DIS3L2: variants seen among roughly 807,000 people sequenced by gnomAD.
DIS3L2 encodes the protein DIS3 like 3'-5' exoribonuclease 2, also known as DIS3-like exonuclease 2.
In DIS3L2, 34 loss-of-function variants were observed where a neutral mutation model predicts 97.5. That is an observed-to-expected ratio of 0.35 (90% CI 0.27 to 0.46). The LOEUF is 0.46. DIS3L2 is among the 20% of genes least tolerant of loss of function. DIS3L2 has a pLI of 1.00. For missense variants in DIS3L2, 1,038 were observed against 1,146.0 expected, an observed-to-expected ratio of 0.91 and a Z score of 1.36; for synonymous variants, 435 against 445.2, an observed-to-expected ratio of 0.98 and a Z score of 0.29.
At chr2:231,965,220 C>G (rs1381319900) in intron 1 of DIS3L2, among the ~76,000 whole-genome samples, 1 of 152,190 alleles carries the variant, frequency 6.6e-6, no homozygotes, top group Admixed American at 6.5e-5. Flanking sequence ...CATTCATGCT[C>G]AAGAGTCTTG....
intron 1 of DIS3L2, among the ~76,000 whole-genome samples, chr2:231,983,045 T>A (rs1197865992): frequency 6.6e-6 from 1 of 152,194 alleles, no homozygotes; most frequent in Non-Finnish European, 1.5e-5. Context: ...GACAAGTATA[T>A]TTTTAAGCTG....
intron 9 of DIS3L2, among the ~76,000 whole-genome samples, chr2:232,183,207 C>G (rs1405188171): frequency 6.6e-6 from 1 of 152,162 alleles, no homozygotes; most frequent in Non-Finnish European, 1.5e-5. Flanking sequence ...TTTCCACTCT[C>G]CAAAACTGTG....
intron 10 of DIS3L2, among the ~76,000 whole-genome samples, chr2:232,216,857 T>A (rs1304808433): frequency 6.0e-5 from 2 of 33,316 alleles, no homozygotes; most frequent in South Asian, 3.7e-3. Flanking sequence ...TCCCCTCCCC[T>A]CTTTTGATGG....
At chr2:232,087,931 A>C (rs1402141781) in intron 6 of DIS3L2, 1 of 528,276 alleles carries the variant, frequency 1.9e-6, no homozygotes, top group Non-Finnish European at 3.4e-6. Context: ...TTGTGTGGGC[A>C]GTAGTTGCAG....
intron 8 of DIS3L2, among the ~76,000 whole-genome samples, chr2:232,143,021 A>C (rs746856057): frequency 6.6e-5 from 10 of 152,222 alleles, no homozygotes; most frequent in Non-Finnish European, 1.3e-4. Flanking sequence ...CTGTCTTCTA[A>C]ATATCGTCTA....
intron 9 of DIS3L2, among the ~76,000 whole-genome samples, chr2:232,194,072 T>C (rs917444087): frequency 6.6e-6 from 1 of 152,012 alleles, no homozygotes; most frequent in African/African-American, 2.4e-5. Context: ...ATCGTACCAC[T>C]GAACTCCAGC....
chr2:232,185,969 A>G (rs1691419411), intron 9 of DIS3L2, among the ~76,000 whole-genome samples: 1 of 152,218 alleles, frequency 6.6e-6, no homozygotes, highest in African/African-American at 2.4e-5. Flanking sequence ...TTGGTGAAAC[A>G]AAAAGCTGGT....
intron 15 of DIS3L2, 87 bp from the exon 16 acceptor site, chr2:232,330,603 G>C (rs1695706886): frequency 7.2e-7 from 1 of 1,392,090 alleles, no homozygotes; most frequent in Non-Finnish European, 1.0e-6. Flanking sequence ...CCAGAGCCGG[G>C]CATGAGGTGC....
intron 3 of DIS3L2, among the ~76,000 whole-genome samples, chr2:232,018,575 A>T (rs916618795): frequency 6.6e-6 from 1 of 152,310 alleles, no homozygotes; most frequent in South Asian, 2.1e-4. Context: ...TTTAATGCTG[A>T]TGGAGAAAAT....
At chr2:232,124,705 G>A (rs768384077) in intron 6 of DIS3L2, among the ~76,000 whole-genome samples, 18 of 152,190 alleles carry the variant, frequency 1.2e-4, no homozygotes, top group Non-Finnish European at 2.1e-4. Context: ...CATAGCAGGC[G>A]AGATACCATT....
chr2:232,273,211 A>T (rs1175561125), intron 13 of DIS3L2, among the ~76,000 whole-genome samples: 2 of 151,902 alleles, frequency 1.3e-5, no homozygotes, highest in Admixed American at 6.5e-5. Flanking sequence ...TATACCTGTT[A>T]CCTGTCTTTA....
At chr2:231,995,575 A>G (rs1476326486) in intron 1 of DIS3L2, among the ~76,000 whole-genome samples, 1 of 152,132 alleles carries the variant, frequency 6.6e-6, no homozygotes, top group Non-Finnish European at 1.5e-5. Flanking sequence ...AAAGCCTTAG[A>G]GTCTTCAGTC....
At chr2:232,067,072 A>G (rs1695873091) in intron 5 of DIS3L2, among the ~76,000 whole-genome samples, 1 of 151,700 alleles carries the variant, frequency 6.6e-6, no homozygotes, top group African/African-American at 2.4e-5. Flanking sequence ...CAATCTTTTC[A>G]TGTAATAACT....
At chr2:232,315,308 G>T (rs930848225) in intron 14 of DIS3L2, among the ~76,000 whole-genome samples, 2 of 152,218 alleles carry the variant, frequency 1.3e-5, no homozygotes, top group Non-Finnish European at 1.5e-5. Flanking sequence ...CTCCGGTACT[G>T]AAAGCCCAGA....
chr2:232,105,601 C>A (rs1304776200), intron 6 of DIS3L2, among the ~76,000 whole-genome samples: 1 of 152,164 alleles, frequency 6.6e-6, no homozygotes, highest in Non-Finnish European at 1.5e-5. Context: ...GGTTTCAGAA[C>A]ATTTTTCTAA....
At chr2:232,003,502 T>G (rs1291305815) in intron 1 of DIS3L2, among the ~76,000 whole-genome samples, 3 of 152,254 alleles carry the variant, frequency 2.0e-5, no homozygotes, top group African/African-American at 7.2e-5. Context: ...TTTTACAACT[T>G]TACTCATGTA....
intron 10 of DIS3L2, among the ~76,000 whole-genome samples, chr2:232,222,967 C>CT (rs1692544337): frequency 6.6e-6 from 1 of 152,228 alleles, no homozygotes; most frequent in Admixed American, 6.5e-5. Flanking sequence ...GCTCCACCCT[C>CT]TAAGTCTTAT....
chr2:232,181,311 AG>A (rs1255737858), intron 9 of DIS3L2, among the ~76,000 whole-genome samples: 1 of 151,766 alleles, frequency 6.6e-6, no homozygotes, highest in Non-Finnish European at 1.5e-5. Flanking sequence ...CTTCTCGAGG[AG>A]TATCTTTGTG....
intron 6 of DIS3L2, among the ~76,000 whole-genome samples, chr2:232,113,550 G>T (rs989096056): frequency 1.3e-5 from 2 of 152,092 alleles, no homozygotes; most frequent in Admixed American, 6.5e-5. Context: ...AAGTTAGAAT[G>T]GTCTTCACCC....
Sources: gnomAD v4.1 joint callset for allele counts (sites outside exome capture counted in the v4.1 genomes callset) on GRCh38, gnomAD v4.1.1 for gene constraint, MANE v1.5 for transcripts, NCBI Gene and HGNC (gene_info 2026-07-23, HGNC 2026-07-21) for gene names.